The following PHKA2 variants were observed in gnomAD, a reference collection of about 807,000 sequenced individuals.
PHKA2 encodes the protein phosphorylase kinase regulatory subunit alpha 2.
Under a neutral mutation model 102.0 loss-of-function variants are expected in PHKA2, and 31 were observed. That is an observed-to-expected ratio of 0.30 (90% confidence interval 0.23 to 0.41). PHKA2 has a LOEUF of 0.41. Ranked by LOEUF, PHKA2 falls within the 10% of genes least tolerant of loss-of-function variation. PHKA2 has a pLI of 1.00. For synonymous variants in PHKA2, 455 were observed against 416.2 expected (o/e 1.09, Z -1.13); for missense variants, 858 against 1,023.1 (o/e 0.84, Z 2.20).
chrX:18,922,092 C>T (rs1483319897), intron 17 of PHKA2, among the ~76,000 whole-genome samples: 1 of 111,006 alleles, frequency 9.0e-6, no homozygotes, highest in Non-Finnish European at 1.9e-5. Flanking sequence ...ACTAAAAATA[C>T]AAAATTAGCC....
intron 1 of PHKA2, among the ~76,000 whole-genome samples, chrX:18,961,181 C>G (rs2048864258): frequency 8.9e-6 from 1 of 112,077 alleles, no homozygotes; most frequent in Non-Finnish European, 1.9e-5. Flanking sequence ...GTTTACCACT[C>G]TAGCGCAAGG....
intron 13 of PHKA2, 106 bp downstream of exon 13, chrX:18,929,122 C>G: frequency 1.8e-6 from 1 of 560,221 alleles, no homozygotes; most frequent in South Asian, 2.5e-5. Flanking sequence ...AAAGCATAGG[C>G]ACATACACAC....
intron 1 of PHKA2, among the ~76,000 whole-genome samples, chrX:18,978,724 A>C (rs2049128600): frequency 8.9e-6 from 1 of 111,826 alleles, no homozygotes; most frequent in Admixed American, 9.5e-5. Flanking sequence ...AAAAAAAATT[A>C]AAATAAAAAT....
Position 18,893,047 on chromosome X carries a change from C to A in PHKA2, c.*438G>T, listed in dbSNP as rs1431302824. 3 of 190,927 alleles carry A rather than the reference C, an allele frequency of 1.6e-5. No homozygotes were observed. The highest frequency in any genetic ancestry group is 2.0e-5 in the Non-Finnish European group (2 of 102,057). The allele number at this position is 190,927 out of a possible 1,213,427, so 15.7% of individuals were successfully genotyped here. ...AGACTGCATCCTGTGAAGAGGTGGCCCTTGTCAAGGCTACTGCCGCCAGGA... is the reference window on the plus strand; with the variant it reads ...AGACTGCATCCTGTGAAGAGGTGGCACTTGTCAAGGCTACTGCCGCCAGGA... On this transcript the variant is annotated 3_prime_UTR_variant, in exon 33 of 33. Coordinates refer to ENST00000379942, the MANE Select transcript of PHKA2 (RefSeq NM_000292.3).
rs1295645053 is a variant in PHKA2 at position 18,981,941 on chromosome X, A to G, written c.78+1914T>C. On this transcript the variant is annotated intron_variant, in intron 1 of 32. Coordinates refer to ENST00000379942, the MANE Select transcript of PHKA2 (RefSeq NM_000292.3). Reference sequence around the variant, plus strand: ...TCAAGAAAGGTCACACATGTCATTCAAGGCAGAGCAGGGGATTCAAACCCA... The same window carrying G: ...TCAAGAAAGGTCACACATGTCATTCGAGGCAGAGCAGGGGATTCAAACCCA... Among the ~76,000 whole-genome samples the G allele has an allele frequency of 5.4e-5, 6 of 111,965 alleles. No individual in the cohort carries two copies. The Admixed American group carries it at 5.7e-4, about 11-fold the overall frequency.
In PHKA2 at chrX:18,894,380, C is replaced by T; in HGVS notation, c.3361G>A (p.Ala1121Thr). Residue 1121 changes from alanine to threonine, a missense_variant, in exon 32 of 33, where the codon GCT (alanine) becomes ACT (threonine). Coordinates refer to ENST00000379942, the MANE Select transcript of PHKA2 (RefSeq NM_000292.3). ...REMTPHEIKF[A>T]VHVESVLNRV... Reference sequence around the variant, plus strand: ...TTCAGCACCGATTCGACATGGACAGCAAACTTGATCTCATGCGGGGTCATC... The same window carrying T: ...TTCAGCACCGATTCGACATGGACAGTAAACTTGATCTCATGCGGGGTCATC... The T allele has an allele frequency of 5.0e-6, 6 of 1,211,518 alleles. No homozygotes were observed. In the South Asian group the frequency reaches 1.1e-4, roughly 21 times the overall value.
At chrX:18,909,013 C>G in intron 20 of PHKA2, 79 bp from the exon 21 acceptor site, 1 of 1,160,293 alleles carries the variant, frequency 8.6e-7, no homozygotes, top group Non-Finnish European at 1.2e-6. Flanking sequence ...AAACACCAAT[C>G]TGGTCTTGGA....
At chrX:18,903,126 A>G (rs192735201) in intron 26 of PHKA2, among the ~76,000 whole-genome samples, 1 of 111,676 alleles carries the variant, frequency 9.0e-6, no homozygotes, top group Non-Finnish European at 1.9e-5. Flanking sequence ...ATACAGAAAC[A>G]TGAGATGGAT....
In PHKA2 at chrX:18,938,757, C is replaced by T; in HGVS notation, c.919-8G>A. The T allele has an allele frequency of 8.4e-7, 1 of 1,195,244 alleles. No individual in the cohort carries two copies. Among genetic ancestry groups the T allele is most frequent in the Non-Finnish European group, 1.1e-6 (1 of 880,531 alleles). On this transcript the variant is annotated splice_region_variant and splice_polypyrimidine_tract_variant and intron_variant, in intron 9 of 32. Transcript: ENST00000379942. ...ATGCAGTCGATTAGGGTCCTAGAATCAAATAAGTCAAACTTTTAAAAGGTG... is the reference window on the plus strand; with the variant it reads ...ATGCAGTCGATTAGGGTCCTAGAATTAAATAAGTCAAACTTTTAAAAGGTG...
At chrX:18,971,884 G>T (rs941603755) in intron 1 of PHKA2, among the ~76,000 whole-genome samples, 7 of 112,554 alleles carry the variant, frequency 6.2e-5, no homozygotes, top group African/African-American at 2.3e-4. Flanking sequence ...TAGGGCAGAG[G>T]ATCTGCTTCC....
In PHKA2 at chrX:18,984,020, G is replaced by A. The variant is rs1273198848; in HGVS notation, c.-88C>T. The A allele has an allele frequency of 6.7e-6, 5 of 749,554 alleles. No homozygotes were observed. The East Asian group carries it at 1.6e-4, about 24-fold the overall frequency. The allele number at this position is 749,554 out of a possible 1,213,427, so 61.8% of individuals were successfully genotyped here. ...TGGCCTCCAAGCGGGTCTGGTTCCC[G>A]GACACTCACAGCCTTAGTCGGTTCT... On this transcript the variant is annotated 5_prime_UTR_variant, in exon 1 of 33. Coordinates refer to ENST00000379942, the MANE Select transcript of PHKA2 (RefSeq NM_000292.3).
intron 1 of PHKA2, among the ~76,000 whole-genome samples, chrX:18,975,967 CTTTTTTT>C (rs200764030): frequency 2.4e-4 from 15 of 63,021 alleles, no homozygotes; most frequent in East Asian, 5.2e-4. Context: ...AAGTCAAATT[CTTTTTTT>C]TTTTTTTTTT....
At position 18,978,926 on chromosome X, in the gene PHKA2, G is replaced by A. The variant is rs373447000; in HGVS notation, c.78+4929C>T. Among the ~76,000 whole-genome samples, 35 of 110,146 alleles carry A rather than the reference G, an allele frequency of 3.2e-4. No individual in the cohort carries two copies. The East Asian group carries it at 8.1e-3, about 25-fold the overall frequency. ...AGGCTGAGGCAGGTGGATCACTTGA[G>A]GTCAGGAGTTCAAGACCAGCCTGGC... On this transcript the variant is annotated intron_variant, in intron 1 of 32. Transcript: ENST00000379942.
rs1214201986 is a variant in PHKA2, at chrX:18,895,068, A to G, written c.3336+70T>C. The stretch of plus-strand genomic sequence containing the variant: ...GAGCCCAAAAGGAGCACAAGAGGTC[A>G]GAGTCCATGCAATGAAGCCCTTATT... On this transcript the variant is annotated intron_variant, in intron 31 of 32. Coordinates refer to ENST00000379942, the MANE Select transcript of PHKA2 (RefSeq NM_000292.3). 1.1e-5 allele frequency: 11 copies of G among 985,780 alleles called. No individual in the cohort carries two copies. The Admixed American group carries it at 1.7e-4, about 16-fold the overall frequency. The allele number at this position is 985,780 out of a possible 1,213,427, so 81.2% of individuals were successfully genotyped here.
At chrX:18,941,893 A>G (rs752028404) in intron 7 of PHKA2, among the ~76,000 whole-genome samples, 41 of 112,867 alleles carry the variant, frequency 3.6e-4, no homozygotes, top group African/African-American at 1.3e-3. Context: ...AGAGCATGGT[A>G]CTGTCTGAAG....
intron 1 of PHKA2, among the ~76,000 whole-genome samples, chrX:18,962,796 G>C (rs1395740244): frequency 8.9e-6 from 1 of 112,239 alleles, no homozygotes; most frequent in Non-Finnish European, 1.9e-5. Flanking sequence ...AGGGAAATAA[G>C]AGCCTCACCA....
At chrX:18,924,307 G>T (rs1009430077) in intron 16 of PHKA2, 74 bp downstream of exon 16, 1 of 1,121,820 alleles carries the variant, frequency 8.9e-7, no homozygotes, top group Non-Finnish European at 1.2e-6. Flanking sequence ...GGCCATGGGA[G>T]CCATTTTAAA....
Position 18,907,003 on chromosome X carries a change from A to G in PHKA2, c.2597+15T>C. ...CTCCCCCGCAAACCTGAGGTCCCCA[A>G]GGCTGAGGACTTACGCAGAGATGAT... is the stretch of plus-strand genomic sequence containing the variant. On this transcript the variant is annotated intron_variant, in intron 23 of 32. Transcript: ENST00000379942. 1 of 1,183,413 alleles carries G rather than the reference A, an allele frequency of 8.5e-7. No homozygotes were observed. The highest frequency in any genetic ancestry group is 3.0e-5 in the East Asian group (1 of 33,082).
At chrX:18,976,120 G>A (rs1267175320) in intron 1 of PHKA2, among the ~76,000 whole-genome samples, 4 of 108,313 alleles carry the variant, frequency 3.7e-5, no homozygotes, top group Non-Finnish European at 5.7e-5. Flanking sequence ...GATTACAGGT[G>A]CCTGCCACCA....
Sources: gnomAD v4.1 joint callset for allele counts (sites outside exome capture counted in the v4.1 genomes callset) on GRCh38, gnomAD v4.1.1 for gene constraint, MANE v1.5 for transcripts, NCBI Gene and HGNC (gene_info 2026-07-23, HGNC 2026-07-21) for gene names.